The following KLHL29 variants were observed in gnomAD, a reference collection of about 807,000 sequenced individuals.
KLHL29 encodes kelch like family member 29, also known as kelch-like protein 29.
KLHL29 carries 21 observed loss-of-function variants against 80.4 expected under a neutral mutation model. The observed-to-expected ratio is 0.26, with a 90% CI of 0.19 to 0.38. The LOEUF (loss-of-function observed/expected upper bound fraction) is 0.38, where lower values mean the gene tolerates loss of function less well. KLHL29 is among the 10% of genes least tolerant of loss of function. The pLI is 1.00. For missense variants in KLHL29, 867 were observed against 1,223.9 expected, an observed-to-expected ratio of 0.71 and a Z score of 4.35; for synonymous variants, 511 against 526.8, an observed-to-expected ratio of 0.97 and a Z score of 0.41.
chr2:23,552,895 G>T (rs2103490583), intron 2 of KLHL29, among the ~76,000 whole-genome samples: 1 of 151,400 alleles, frequency 6.6e-6, no homozygotes, highest in South Asian at 2.1e-4. Context: ...AAGTAGCTGG[G>T]ATTACAGGAG....
intron 3 of KLHL29, among the ~76,000 whole-genome samples, chr2:23,627,416 C>T (rs887521340): frequency 3.3e-5 from 5 of 152,232 alleles, no homozygotes; most frequent in African/African-American, 1.2e-4. Flanking sequence ...CTGAGGCCCT[C>T]GCTGAGCCTT....
At chr2:23,614,514 T>G (rs373574577) in intron 3 of KLHL29, among the ~76,000 whole-genome samples, 54 of 151,972 alleles carry the variant, frequency 3.6e-4, no homozygotes, top group African/African-American at 1.3e-3. Context: ...CAGACAAAAA[T>G]AATAATAATA....
At chr2:23,690,735 A>G (rs1671542187) in intron 6 of KLHL29, 1 of 152,256 alleles carries the variant, frequency 6.6e-6, no homozygotes, top group Admixed American at 6.5e-5. Flanking sequence ...CTTATGTATC[A>G]GTGTCACTCT....
chr2:23,417,674 G>T (rs747729266), intron 1 of KLHL29, among the ~76,000 whole-genome samples: 6 of 152,066 alleles, frequency 3.9e-5, no homozygotes, highest in Non-Finnish European at 5.9e-5. Flanking sequence ...TCACTGCATT[G>T]TCTCTCCTCC....
At chr2:23,690,362 CCCAGGCACCCAGT>C (rs1457053162) in intron 6 of KLHL29, 1 of 152,218 alleles carries the variant, frequency 6.6e-6, no homozygotes, top group Non-Finnish European at 1.5e-5. Flanking sequence ...GGTGGCAGAG[CCCAGGCACCCAGT>C]GCCCCCAGCT....
At position 23,680,086 on chromosome 2, in the gene KLHL29, T is replaced by C. The variant is rs1470421019; in HGVS notation, c.941-4313T>C. Among the ~76,000 whole-genome samples, 2 of 151,904 alleles carry C rather than the reference T, an allele frequency of 1.3e-5. No individual in the cohort carries two copies. Among genetic ancestry groups the C allele is most frequent in the African/African-American group, 4.8e-5 (2 of 41,352 alleles). On this transcript the variant is annotated intron_variant, in intron 5 of 13. Coordinates refer to ENST00000486442, the MANE Select transcript of KLHL29 (RefSeq NM_052920.2). The surrounding 1 kb of genome is among the most constrained non-coding windows in gnomAD (Gnocchi z 4.1). ...TGGCTGTGAGGATGCAGTGTGGAGG[T>C]GGCCTGGAGGGGGACAGGCTGGAAA...
intron 1 of KLHL29, among the ~76,000 whole-genome samples, chr2:23,472,370 C>G (rs1009164162): frequency 6.6e-6 from 1 of 152,030 alleles, no homozygotes; most frequent in Non-Finnish European, 1.5e-5. Flanking sequence ...GAGGATGTCA[C>G]GGGTTCTCTA....
chr2:23,479,641 G>C (rs952918930), intron 2 of KLHL29, among the ~76,000 whole-genome samples: 2 of 151,636 alleles, frequency 1.3e-5, no homozygotes, highest in Non-Finnish European at 3.0e-5. Flanking sequence ...AGTGGCTCAT[G>C]CGTAGCAGAT....
In KLHL29 at chr2:23,642,521, A is replaced by T; in HGVS notation, c.611A>T (p.Tyr204Phe). Reference sequence around the variant, plus strand: ...CAGCTCCCGCTGATGCCAGGCCACTACTCGCTCCCTCAGCCGCCCTCTCAG... The same window carrying T: ...CAGCTCCCGCTGATGCCAGGCCACTTCTCGCTCCCTCAGCCGCCCTCTCAG... Reference protein sequence around the residue: ...GPQLPLMPGHYSLPQPPSQPL... With the variant: ...GPQLPLMPGHFSLPQPPSQPL... Residue 204 changes from tyrosine to phenylalanine, a missense_variant, in exon 5 of 14, where the codon TAC becomes TTC. By Grantham distance (22) the Tyr-to-Phe change is conservative. Coordinates refer to ENST00000486442, the MANE Select transcript of KLHL29 (RefSeq NM_052920.2). 1 of 1,532,658 alleles carries T rather than the reference A, an allele frequency of 6.5e-7. No homozygotes were observed. Among genetic ancestry groups the T allele is most frequent in the South Asian group, 1.2e-5 (1 of 82,698 alleles). The allele number at this position is 1,532,658 out of a possible 1,614,324, so 94.9% of individuals were successfully genotyped here.
intron 2 of KLHL29, among the ~76,000 whole-genome samples, chr2:23,529,107 T>C (rs1666418457): frequency 6.6e-6 from 1 of 152,192 alleles, no homozygotes; most frequent in Non-Finnish European, 1.5e-5. Context: ...GAAAAGCCCC[T>C]TTTTACTAAT....
At chr2:23,536,925 C>CTCTCTG (rs1666684153) in intron 2 of KLHL29, among the ~76,000 whole-genome samples, 4 of 151,028 alleles carry the variant, frequency 2.6e-5, no homozygotes, top group Non-Finnish European at 4.4e-5. Context: ...CACACTCTCT[C>CTCTCTG]TCTCCCTCTC....
At chr2:23,549,661 T>C (rs190056979) in intron 2 of KLHL29, among the ~76,000 whole-genome samples, 109 of 152,110 alleles carry the variant, frequency 7.2e-4, no homozygotes, top group African/African-American at 2.6e-3. Flanking sequence ...AGGACAAAAG[T>C]CTCTCCCAAG....
intron 1 of KLHL29, among the ~76,000 whole-genome samples, chr2:23,465,966 T>C (rs1360671706): frequency 6.6e-6 from 1 of 151,958 alleles, no homozygotes; most frequent in Non-Finnish European, 1.5e-5. Context: ...CCGCTGACTT[T>C]CATGTGTGTC....
At chr2:23,431,919 AAAAG>A (rs1464039561) in intron 1 of KLHL29, among the ~76,000 whole-genome samples, 18 of 150,998 alleles carry the variant, frequency 1.2e-4, no homozygotes, top group African/African-American at 4.2e-4. Flanking sequence ...AAAAAAAAAA[AAAAG>A]CAGTGAAAAC....
chr2:23,426,695 G>A (rs928013274), intron 1 of KLHL29, among the ~76,000 whole-genome samples: 1 of 152,234 alleles, frequency 6.6e-6, no homozygotes, highest in Non-Finnish European at 1.5e-5. Context: ...CCCATGGAAA[G>A]TATGGCCCGA....
chr2:23,418,097 G>T (rs1467425868), intron 1 of KLHL29, among the ~76,000 whole-genome samples: 6 of 152,210 alleles, frequency 3.9e-5, no homozygotes, highest in African/African-American at 1.4e-4. Context: ...GTAAGTGTTT[G>T]TTGAAAGAGT....
Position 23,552,761 on chromosome 2 carries a change from C to CTT in KLHL29, c.-45-9375_-45-9374dup, listed in dbSNP as rs60558023. 4.4e-4 allele frequency among the ~76,000 whole-genome samples: 42 copies of CTT among 95,540 alleles called. 3 individuals carry two copies. The highest frequency in any genetic ancestry group is 1.5e-3 in the South Asian group (4 of 2,712). 62.7% of individuals were successfully genotyped at this position (95,540 alleles called of 152,430 possible). On this transcript the variant is annotated intron_variant, in intron 2 of 13. Transcript: ENST00000486442. ...CACGGCTATAGCTCTGGTTTCTTTT[C>CTT]TTTTTTTTTTTTTTTTTGAGATGGC...
In KLHL29 at chr2:23,596,037, T is replaced by C. The variant is rs934380477; in HGVS notation, c.285+33556T>C. ...TCAGGAGGACACCGTTTTGTGGCAT[T>C]GGGTCCACATTTGCTGCCAGCATAG... is the stretch of plus-strand genomic sequence containing the variant. On this transcript the variant is annotated intron_variant, in intron 3 of 13. Transcript: ENST00000486442. The surrounding 1 kb of genome is among the most constrained non-coding windows in gnomAD (Gnocchi z 4.4). Among the ~76,000 whole-genome samples, 3 of 152,202 alleles carry C rather than the reference T, an allele frequency of 2.0e-5. No individual in the cohort carries two copies. The highest frequency in any genetic ancestry group is 4.4e-5 in the Non-Finnish European group (3 of 68,040).
chr2:23,677,053 G>T (rs1270118196), intron 5 of KLHL29, among the ~76,000 whole-genome samples: 1 of 152,204 alleles, frequency 6.6e-6, no homozygotes, highest in Non-Finnish European at 1.5e-5. Context: ...CAAACCCAGG[G>T]AAAGAGAAGG....
Sources: gnomAD v4.1 joint callset for allele counts (sites outside exome capture counted in the v4.1 genomes callset) on GRCh38, gnomAD v4.1.1 for gene constraint, Gnocchi (gnomAD v3.1) non-coding constraint, MANE v1.5 for transcripts, NCBI Gene and HGNC (gene_info 2026-07-23, HGNC 2026-07-21) for gene names.